The following GABRG3 variants were observed in gnomAD, a reference collection of about 807,000 sequenced individuals.
GABRG3 encodes gamma-aminobutyric acid receptor subunit gamma-3.
A neutral mutation model predicts 48.8 loss-of-function variants in GABRG3; 25 were observed. That is an observed-to-expected ratio of 0.51 (90% CI 0.37 to 0.72). The LOEUF is 0.72. Among genes scored for constraint, GABRG3 ranks in the 30% least tolerant of loss-of-function variants. The probability of loss-of-function intolerance (pLI) is 0.00; values close to 1 mark genes in which losing one functional copy is unlikely to be tolerated. For missense variants in GABRG3, 394 were observed against 577.9 expected, an observed-to-expected ratio of 0.68 and a Z score of 3.26; for synonymous variants, 227 against 217.6, an observed-to-expected ratio of 1.04 and a Z score of -0.38.
At chr15:27,313,240 ATGTGTGTGTGTGTGTGTGTGTG>A (rs1169973611) in intron 3 of GABRG3, among the ~76,000 whole-genome samples, 1 of 56,892 alleles carries the variant, frequency 1.8e-5, no homozygotes, top group African/African-American at 6.7e-5. Flanking sequence ...ATATGTATAT[ATGTGTGTGTGTGTGTGTGTGTG>A]TATATATATA....
intron 3 of GABRG3, among the ~76,000 whole-genome samples, chr15:27,218,924 G>C (rs1182370628): frequency 6.6e-6 from 1 of 152,138 alleles, no homozygotes; most frequent in African/African-American, 2.4e-5. Context: ...GTGAATCACA[G>C]AGTAATGAGG....
At chr15:27,128,062 C>T (rs1897852125) in intron 3 of GABRG3, among the ~76,000 whole-genome samples, 1 of 152,152 alleles carries the variant, frequency 6.6e-6, no homozygotes, top group South Asian at 2.1e-4. Flanking sequence ...ACCTTTCATC[C>T]TTTAACATGT....
intron 5 of GABRG3, among the ~76,000 whole-genome samples, chr15:27,332,094 A>G (rs928453908): frequency 1.3e-5 from 2 of 152,262 alleles, no homozygotes; most frequent in Non-Finnish European, 2.9e-5. Flanking sequence ...TGTCCTAATG[A>G]AAACACTCAT....
intron 5 of GABRG3, among the ~76,000 whole-genome samples, chr15:27,351,197 TTG>T (rs1263215386): frequency 2.8e-4 from 41 of 145,386 alleles, no homozygotes; most frequent in African/African-American, 1.0e-3. Flanking sequence ...TATGGTATGT[TTG>T]TGTGTATGGT....
chr15:27,306,651 T>TACA (rs1892492437), intron 3 of GABRG3, among the ~76,000 whole-genome samples: 1 of 58,758 alleles, frequency 1.7e-5, no homozygotes, highest in Non-Finnish European at 3.6e-5. Context: ...TATATAAACA[T>TACA]ATATATGAAC....
chr15:27,075,113 A>G (rs961263319), intron 3 of GABRG3, among the ~76,000 whole-genome samples: 3 of 152,206 alleles, frequency 2.0e-5, no homozygotes, highest in Non-Finnish European at 4.4e-5. Flanking sequence ...TTAGAATTTC[A>G]CTTAGATATT....
chr15:27,064,875 A>G (rs1313931105), intron 3 of GABRG3, among the ~76,000 whole-genome samples: 1 of 152,166 alleles, frequency 6.6e-6, no homozygotes, highest in Admixed American at 6.5e-5. Context: ...ACTGAGTCCC[A>G]CCTTCTCTTC....
intron 3 of GABRG3, among the ~76,000 whole-genome samples, chr15:27,127,327 C>T (rs898543886): frequency 5.3e-5 from 8 of 151,844 alleles, no homozygotes; most frequent in Non-Finnish European, 1.2e-4. Context: ...GGACATTATG[C>T]TAAGTAAAAT....
At chr15:27,102,177 TG>T (rs1393535999) in intron 3 of GABRG3, among the ~76,000 whole-genome samples, 2 of 152,232 alleles carry the variant, frequency 1.3e-5, no homozygotes, top group Middle Eastern at 3.2e-3. Flanking sequence ...ATTACACACA[TG>T]GGCTGCTGCC....
chr15:27,188,904 A>G (rs1443200467), intron 3 of GABRG3, among the ~76,000 whole-genome samples: 1 of 150,276 alleles, frequency 6.7e-6, no homozygotes, highest in Non-Finnish European at 1.5e-5. Flanking sequence ...TGATTTTTGT[A>G]TAAGGTGTAA....
intron 3 of GABRG3, among the ~76,000 whole-genome samples, chr15:27,110,078 T>G (rs1897520305): frequency 6.6e-6 from 1 of 152,176 alleles, no homozygotes; most frequent in Non-Finnish European, 1.5e-5. Context: ...CTGTTTTCTA[T>G]TCCTTGCATT....
intron 3 of GABRG3, among the ~76,000 whole-genome samples, chr15:27,096,473 A>G (rs1194251244): frequency 6.6e-6 from 1 of 152,222 alleles, no homozygotes; most frequent in Non-Finnish European, 1.5e-5. Flanking sequence ...TTGGACTTTG[A>G]AGCCAGGGCT....
intron 2 of GABRG3, among the ~76,000 whole-genome samples, chr15:27,003,471 T>G (rs974991172): frequency 1.3e-5 from 2 of 151,912 alleles, no homozygotes; most frequent in African/African-American, 4.8e-5. Context: ...AAGCACATCT[T>G]GCACCGCCCT....
At chr15:27,176,911 G>A (rs1461173931) in intron 3 of GABRG3, among the ~76,000 whole-genome samples, 1 of 152,164 alleles carries the variant, frequency 6.6e-6, no homozygotes, top group African/African-American at 2.4e-5. Context: ...TGAACTCACT[G>A]TCTAACCACC....
chr15:27,206,044 C>T (rs1888841763), intron 3 of GABRG3, among the ~76,000 whole-genome samples: 3 of 151,870 alleles, frequency 2.0e-5, no homozygotes, highest in Admixed American at 2.0e-4. Context: ...CTTTTGTAAG[C>T]CATTTCGTTC....
At chr15:27,255,830 C>T (rs944624519) in intron 3 of GABRG3, among the ~76,000 whole-genome samples, 2 of 152,146 alleles carry the variant, frequency 1.3e-5, no homozygotes, top group African/African-American at 2.4e-5. Flanking sequence ...TGCACAGCAC[C>T]TTTCTTCCAA....
chr15:27,158,017 G>T (rs552960143), intron 3 of GABRG3: 1 of 152,140 alleles, frequency 6.6e-6, no homozygotes, highest in African/African-American at 2.4e-5. Context: ...CTTCTAGTAC[G>T]CAGGCTCTGG....
chr15:27,164,663 T>C (rs1432300802), intron 3 of GABRG3, among the ~76,000 whole-genome samples: 1 of 152,256 alleles, frequency 6.6e-6, no homozygotes, highest in Non-Finnish European at 1.5e-5. Context: ...AGGGCAGTTA[T>C]CTGTTAGACG....
Position 27,352,645 on chromosome 15 carries a change from C to T in GABRG3, c.574+23757C>T, listed in dbSNP as rs1805479276. Among the ~76,000 whole-genome samples the T allele has an allele frequency of 6.6e-6, 1 of 152,090 alleles. No individual in the cohort carries two copies. Among genetic ancestry groups the T allele is most frequent in the Admixed American group, 6.5e-5 (1 of 15,278 alleles). On this transcript the variant is annotated intron_variant, in intron 5 of 9. Transcript: ENST00000615808. This position sits in a 1 kb window ranked among gnomAD's most constrained non-coding sequence, Gnocchi z 4.0. ...CCGGGGAGGCAGGCCAAGGAAGCCC[C>T]CTGCCAAGGCAGCAGCCACATACCA...
Sources: gnomAD v4.1 joint callset for allele counts (sites outside exome capture counted in the v4.1 genomes callset) on GRCh38, gnomAD v4.1.1 for gene constraint, Gnocchi (gnomAD v3.1) non-coding constraint, MANE v1.5 for transcripts, NCBI Gene and HGNC (gene_info 2026-07-23, HGNC 2026-07-21) for gene names.